The following LRRC7 variants were observed in gnomAD, a reference collection of about 807,000 sequenced individuals.
The protein encoded by LRRC7 is leucine-rich repeat-containing protein 7.
A neutral mutation model predicts 175.7 loss-of-function variants in LRRC7; 23 were observed. The ratio of observed to expected loss-of-function variants is 0.13; its 90% CI spans 0.09 to 0.19. The LOEUF (loss-of-function observed/expected upper bound fraction) is 0.19. LRRC7 is among the 10% of genes least tolerant of loss of function. The probability of loss-of-function intolerance (pLI) is 1.00; values close to 1 mark genes in which losing one functional copy is unlikely to be tolerated. For missense variants in LRRC7, 1,354 were observed against 1,904.7 expected (o/e 0.71, Z 5.38); for synonymous variants, 685 against 680.9 (o/e 1.01, Z -0.09).
chr1:69,676,007 G>GCACACACACACACA (rs57846147), intron 1 of LRRC7, among the ~76,000 whole-genome samples: 1 of 147,450 alleles, frequency 6.8e-6, no homozygotes, highest in African/African-American at 2.5e-5. Context: ...ATGAGTGCAT[G>GCACACACACACACA]CACACACACA....
intron 2 of LRRC7, among the ~76,000 whole-genome samples, chr1:69,723,233 C>G (rs1490036437): frequency 6.6e-6 from 1 of 151,992 alleles, no homozygotes; most frequent in Non-Finnish European, 1.5e-5. Context: ...AAAAAGTTCA[C>G]TTTTACAATT....
At chr1:69,768,866 T>C (rs1671919458) in intron 3 of LRRC7, among the ~76,000 whole-genome samples, 1 of 152,196 alleles carries the variant, frequency 6.6e-6, no homozygotes, top group Admixed American at 6.5e-5. Flanking sequence ...TCCATATAAA[T>C]TAGAGTTGTC....
At chr1:69,670,644 G>T (rs2100571592) in intron 1 of LRRC7, among the ~76,000 whole-genome samples, 1 of 152,302 alleles carries the variant, frequency 6.6e-6, no homozygotes, top group South Asian at 2.1e-4. Context: ...CCATCTGGGA[G>T]CCAGGGACTA....
intron 2 of LRRC7, among the ~76,000 whole-genome samples, chr1:69,691,484 T>G (rs1345703800): frequency 6.6e-6 from 1 of 151,244 alleles, no homozygotes; most frequent in Non-Finnish European, 1.5e-5. Context: ...TTGAAAAAAA[T>G]AAAAAGGAAT....
At chr1:70,052,364 T>C (rs1234976059) in intron 22 of LRRC7, among the ~76,000 whole-genome samples, 1 of 152,022 alleles carries the variant, frequency 6.6e-6, no homozygotes, top group Non-Finnish European at 1.5e-5. Flanking sequence ...CGAGTTTAAA[T>C]TTTAATATAT....
chr1:70,134,775 G>A lies in LRRC7; in HGVS notation c.*12888G>A, dbSNP rs1666800366. Among the ~76,000 whole-genome samples, 1 of 151,974 alleles carries A rather than the reference G, an allele frequency of 6.6e-6. No individual in the cohort carries two copies. The highest frequency in any genetic ancestry group is 1.5e-5 in the Non-Finnish European group (1 of 67,982). On this transcript the variant is annotated 3_prime_UTR_variant, in exon 27 of 27. Transcript: ENST00000651989. ...CTGCCAATTTTAGTGCACCATTTTG[G>A]GTTTGTTTACCAAGTGTTCTTCCTC...
At chr1:69,985,116 C>T (rs1475918533) in intron 9 of LRRC7, among the ~76,000 whole-genome samples, 3 of 152,180 alleles carry the variant, frequency 2.0e-5, no homozygotes, top group Non-Finnish European at 4.4e-5. Flanking sequence ...TTTTATTGCA[C>T]TTGTCACAGG....
At chr1:69,766,541 A>G (rs1203582858) in intron 3 of LRRC7, among the ~76,000 whole-genome samples, 1 of 152,158 alleles carries the variant, frequency 6.6e-6, no homozygotes, top group African/African-American at 2.4e-5. Flanking sequence ...AGTTATACAG[A>G]TATTTTAAAG....
chr1:69,958,985 AAAT>A (rs1357221590), intron 8 of LRRC7, among the ~76,000 whole-genome samples: 1 of 152,102 alleles, frequency 6.6e-6, no homozygotes, highest in African/African-American at 2.4e-5. Context: ...TTGTTTCAGT[AAAT>A]AATAGGGTAA....
chr1:69,611,223 C>A (rs141258265), intron 1 of LRRC7, among the ~76,000 whole-genome samples: 1,538 of 151,930 alleles, frequency 0.01, 24 homozygotes, highest in African/African-American at 0.035. Context: ...ATCTTTTTTT[C>A]ATATATCGTC....
chr1:69,920,024 C>T (rs1293088900), intron 7 of LRRC7: 2 of 441,236 alleles, frequency 4.5e-6, no homozygotes, highest in Non-Finnish European at 8.1e-6. Context: ...CTGTCAGTCC[C>T]CAGTTGGGGC....
intron 1 of LRRC7, among the ~76,000 whole-genome samples, chr1:69,601,893 T>C (rs2100996656): frequency 6.6e-6 from 1 of 152,298 alleles, no homozygotes; most frequent in Admixed American, 6.5e-5. Context: ...GACAGCTGAA[T>C]TCAGTTTTGT....
intron 24 of LRRC7, among the ~76,000 whole-genome samples, chr1:70,080,835 G>A (rs1663153167): frequency 6.6e-6 from 1 of 152,160 alleles, no homozygotes; most frequent in Admixed American, 6.6e-5. Context: ...GTAGTGAACT[G>A]AATAAAACAG....
chr1:70,069,083 G>A (rs981438336), intron 23 of LRRC7, among the ~76,000 whole-genome samples: 1 of 152,022 alleles, frequency 6.6e-6, no homozygotes, highest in Non-Finnish European at 1.5e-5. Flanking sequence ...GATGAGTTGT[G>A]GTAGTTTGCT....
intron 7 of LRRC7, among the ~76,000 whole-genome samples, chr1:69,890,272 ATGT>A (rs1295888285): frequency 6.6e-6 from 1 of 152,230 alleles, no homozygotes; most frequent in Non-Finnish European, 1.5e-5. Context: ...AGCAGAATGG[ATGT>A]TGTATTCACA....
chr1:69,733,074 T>G (rs1667754182), intron 2 of LRRC7, among the ~76,000 whole-genome samples: 1 of 151,944 alleles, frequency 6.6e-6, no homozygotes, highest in African/African-American at 2.4e-5. Context: ...TCTTATCTAT[T>G]TAAGACATTT....
chr1:69,783,821 CCTTA>C (rs1478699016), intron 3 of LRRC7, among the ~76,000 whole-genome samples: 9 of 149,244 alleles, frequency 6.0e-5, no homozygotes, highest in South Asian at 4.3e-4. Flanking sequence ...AAGAATAAAT[CCTTA>C]CTTCATATCA....
chr1:69,738,410 G>A (rs1026578388), intron 2 of LRRC7, among the ~76,000 whole-genome samples: 2 of 151,974 alleles, frequency 1.3e-5, no homozygotes, highest in African/African-American at 4.8e-5. Flanking sequence ...CTTTGAAAAT[G>A]ATACAAATCT....
intron 9 of LRRC7, among the ~76,000 whole-genome samples, chr1:69,982,235 A>G (rs980724899): frequency 1.3e-5 from 2 of 152,214 alleles, no homozygotes; most frequent in Non-Finnish European, 2.9e-5. Flanking sequence ...GATGTTTCAT[A>G]TGTACTGCTA....
Sources: allele counts gnomAD v4.1 joint callset (sites outside exome capture counted in the v4.1 genomes callset), GRCh38; gene constraint gnomAD v4.1.1; transcripts MANE v1.5; gene names NCBI Gene and HGNC (gene_info 2026-07-23, HGNC 2026-07-21).